Variants in IGHMBP2 observed in about 807,000 individuals in gnomAD.
The protein encoded by IGHMBP2 is immunoglobulin mu DNA binding protein 2.
IGHMBP2 carries 81 observed loss-of-function variants against 96.0 expected under a neutral mutation model. The observed-to-expected ratio is 0.84, with a 90% CI of 0.71 to 1.01. The LOEUF is 1.01. IGHMBP2 is among the 50% of genes least tolerant of loss of function. The pLI is 0.00. For missense variants in IGHMBP2, 1,227 were observed against 1,306.3 expected (o/e 0.94, Z 0.94); for synonymous variants, 557 against 548.9 (o/e 1.01, Z -0.21).
At chr11:68,935,567 A>T in intron 12 of IGHMBP2, 145 bp downstream of exon 12, 2 of 981,986 alleles carry the variant, frequency 2.0e-6, no homozygotes, top group African/African-American at 1.6e-5. Flanking sequence ...AGTTCACGTC[A>T]GGCAAAGCAC....
In IGHMBP2 at chr11:68,929,068, C is replaced by T. The variant is rs1859172327; in HGVS notation, c.1061-115C>T. ...TTACAAGATACAAATTTATCCCACA[C>T]AGTTGCAATGCAAGCCTTGATGAAA... On this transcript the variant is annotated intron_variant, in intron 7 of 14. Transcript: ENST00000255078. 22 of 948,074 alleles carry T rather than the reference C, an allele frequency of 2.3e-5. 1 individual carries two copies. The South Asian group carries it at 2.7e-4, about 12-fold the overall frequency. The allele number at this position is 948,074 out of a possible 1,614,324, so 58.7% of individuals were successfully genotyped here. A position where few individuals can be genotyped will look rare whatever the true frequency, so the allele number is the denominator to read the frequency against.
intron 10 of IGHMBP2, 63 bp from the exon 11 acceptor site, chr11:68,934,401 T>C (rs1859440275): frequency 1.7e-6 from 2 of 1,152,938 alleles, no homozygotes; most frequent in South Asian, 1.3e-5. Flanking sequence ...GAAACACGTG[T>C]TGGTGGTGGA....
At chr11:68,920,432 A>G (rs546465142) in intron 7 of IGHMBP2, among the ~76,000 whole-genome samples, 6 of 152,276 alleles carry the variant, frequency 3.9e-5, no homozygotes, top group African/African-American at 1.4e-4. Context: ...AGTGTGATCT[A>G]TCTTTATCCT....
In IGHMBP2 at chr11:68,903,914, CGGGACG is replaced by C. The variant is rs773104838; in HGVS notation, c.-38_-33del. The C allele has an allele frequency of 2.9e-5, 47 of 1,602,250 alleles. No homozygotes were observed. The African/African-American group carries it at 6.3e-4, about 21-fold the overall frequency. ...CTGTAACACCGGCCCGGCGCAGAAG[CGGGACG>C]TCGGCTTCTAGGGGCCCAGGCCGGC... On this transcript the variant is annotated 5_prime_UTR_variant, in exon 1 of 15. Coordinates refer to ENST00000255078, the MANE Select transcript of IGHMBP2 (RefSeq NM_002180.3).
rs113615425 is a variant in IGHMBP2 at position 68,936,571 on chromosome 11, G to A, written c.2091G>A (p.Pro697=). The change falls in exon 13 of 15, where the codon CCG becomes CCA. Residue 697 remains proline, a synonymous_variant. Transcript: ENST00000255078. ...CTGCCAGACAGGGCCGGAAGAAGCC[G>A]GCTGGGAAGTCTCTGGCCTCTGAAG... ...AAPARQGRKK[P]AGKSLASEAP... The A allele has an allele frequency of 4.3e-4, 697 of 1,611,774 alleles. 3 individuals are homozygous for A. The African/African-American group carries it at 8.2e-3, about 19-fold the overall frequency.
intron 7 of IGHMBP2, among the ~76,000 whole-genome samples, chr11:68,919,123 C>A (rs1383368928): frequency 6.6e-6 from 1 of 152,110 alleles, no homozygotes; most frequent in Non-Finnish European, 1.5e-5. Flanking sequence ...TATATAGTTT[C>A]TAGATAGTTG....
At position 68,938,325 on chromosome 11, in the gene IGHMBP2, C is replaced by T. The variant is rs145945230; in HGVS notation, c.2755C>T (p.Arg919Cys). 50 of 1,611,756 alleles carry T rather than the reference C, an allele frequency of 3.1e-5. No individual in the cohort carries two copies. Among genetic ancestry groups the T allele is most frequent in the East Asian group, 2.7e-4 (12 of 44,854 alleles). ...CCAGTTCTGCCAGCTCTGCAGCCGC[C>T]GCTACTGCCTCAGCCACCACCTGCC... ...LGQFCQLCSRRYCLSHHLPEI... is the reference protein window; with the variant it reads ...LGQFCQLCSRCYCLSHHLPEI... Residue 919 changes from arginine (R) to cysteine (C), a missense_variant, in exon 14 of 15, where the codon CGC becomes TGC. Physicochemically the swap from Arg to Cys is radical, Grantham distance 180. Coordinates refer to ENST00000255078, the MANE Select transcript of IGHMBP2 (RefSeq NM_002180.3).
At chr11:68,933,945 G>A in intron 10 of IGHMBP2, 32 bp downstream of exon 10, 1 of 1,378,276 alleles carries the variant, frequency 7.3e-7, no homozygotes, top group Non-Finnish European at 1.0e-6. Context: ...CAGCTTTTTT[G>A]TTTAAACATA....
chr11:68,906,302 C>G, intron 2 of IGHMBP2, 64 bp downstream of exon 2: 1 of 1,517,110 alleles, frequency 6.6e-7, no homozygotes, highest in Non-Finnish European at 9.2e-7. Flanking sequence ...GACTTGTACC[C>G]TCGTAAAGAC....
At chr11:68,929,733 G>A in intron 8 of IGHMBP2, 2 of 985,410 alleles carry the variant, frequency 2.0e-6, no homozygotes, top group Non-Finnish European at 2.4e-6. Flanking sequence ...GGGTTCTTTA[G>A]TCTTCAATCT....
In IGHMBP2 at chr11:68,936,820, C is replaced by T. The variant is rs557402851; in HGVS notation, c.2340C>T (p.Ile780=). The T allele has an allele frequency of 1.2e-6, 2 of 1,613,882 alleles. No individual in the cohort carries two copies. The highest frequency in any genetic ancestry group is 2.2e-5 in the East Asian group (1 of 44,882). The change falls in exon 13 of 15, where the codon ATC becomes ATT. Residue 780 remains isoleucine (I), a synonymous_variant. Transcript: ENST00000255078. ...CCGGGGAAGGGAAGAGGAGGTTCAT[C>T]ACTGTGAGCAAGAGGGCCCCGCGAC... is the stretch of plus-strand genomic sequence containing the variant. The part of the protein sequence containing the change: ...DSSGEGKRRF[I]TVSKRAPRPR...
rs554952116 is a variant in IGHMBP2 at position 68,908,234 on chromosome 11, G to A, written c.346G>A (p.Val116Met). 6.2e-7 allele frequency: 1 copy of A among 1,614,106 alleles called. No individual in the cohort carries two copies. The highest frequency in any genetic ancestry group is 1.3e-5 in the African/African-American group (1 of 75,016). Residue 116 changes from valine to methionine, a missense_variant, in exon 3 of 15, where the codon GTG (valine) becomes ATG (methionine). Transcript: ENST00000255078. Reference sequence around the variant, plus strand: ...CCGGGTCACCCAGAAGTCGGTCACGGTGGCCTTTGATGAGTCCCACGATTT... The same window carrying A: ...CCGGGTCACCCAGAAGTCGGTCACGATGGCCTTTGATGAGTCCCACGATTT... ...LTRVTQKSVT[V>M]AFDESHDFQL... is the part of the protein sequence containing the mutation.
At chr11:68,919,467 A>G (rs182262640) in intron 7 of IGHMBP2, among the ~76,000 whole-genome samples, 2 of 152,334 alleles carry the variant, frequency 1.3e-5, no homozygotes, top group East Asian at 3.9e-4. Context: ...ATTTAGTTCC[A>G]TGTGGTCAGA....
chr11:68,935,135 G>A (rs899431711), intron 11 of IGHMBP2, among the ~76,000 whole-genome samples, 164 bp from the exon 12 acceptor site: 4 of 152,260 alleles, frequency 2.6e-5, no homozygotes, highest in Non-Finnish European at 5.9e-5. Context: ...ATGCGTGCCC[G>A]TGAGGAGGGC....
Position 68,939,633 on chromosome 11 carries a change from G to A in IGHMBP2, c.2884G>A (p.Asp962Asn). 1 of 1,613,570 alleles carries A rather than the reference G, an allele frequency of 6.2e-7. No individual in the cohort carries two copies. The highest frequency in any genetic ancestry group is 8.5e-7 in the Non-Finnish European group (1 of 1,179,980). ...CAGCGGGACCAAGAACGGATCCCTG[G>A]ACCCAGCCAAGAGGGCCCAGCTGCA... ...AGSGTKNGSL[D>N]PAKRAQLQRR... is the part of the protein sequence containing the mutation. Residue 962 changes from aspartate (D) to asparagine (N), a missense_variant, in exon 15 of 15, where the codon GAC becomes AAC. Around this residue, in one of 3 missense-constraint regions of IGHMBP2, gnomAD observed 703 missense variants for 770.3 expected, o/e 0.91. Coordinates refer to ENST00000255078, the MANE Select transcript of IGHMBP2 (RefSeq NM_002180.3).
At chr11:68,938,736 C>T (rs1407086421) in intron 14 of IGHMBP2, among the ~76,000 whole-genome samples, 1 of 152,052 alleles carries the variant, frequency 6.6e-6, no homozygotes, top group Non-Finnish European at 1.5e-5. Context: ...TTCCTTGAGC[C>T]GGGGTTGATG....
intron 8 of IGHMBP2, 194 bp from the exon 9 acceptor site, chr11:68,933,105 C>T (rs781271941): frequency 3.7e-5 from 23 of 617,338 alleles, no homozygotes; most frequent in South Asian, 1.3e-4. Flanking sequence ...GGAACATTCA[C>T]GGGCCTTGGC....
chr11:68,913,867 G>A (rs77680918), intron 5 of IGHMBP2, among the ~76,000 whole-genome samples: 5,322 of 152,284 alleles, frequency 0.035, 315 homozygotes, highest in African/African-American at 0.12. Context: ...AACACCAGGA[G>A]TGTGGTCTAG....
intron 5 of IGHMBP2, 39 bp from the exon 6 acceptor site, chr11:68,914,784 T>G: frequency 6.2e-7 from 1 of 1,609,912 alleles, no homozygotes; most frequent in Non-Finnish European, 8.5e-7. Flanking sequence ...GTGGTTTGAT[T>G]ACAAAGTAAA....
Sources: gnomAD v4.1 joint callset for allele counts (sites outside exome capture counted in the v4.1 genomes callset) on GRCh38, gnomAD v4.1.1 for gene constraint, gnomAD v4.1.1 regional missense constraint, MANE v1.5 for transcripts, NCBI Gene and HGNC (gene_info 2026-07-23, HGNC 2026-07-21) for gene names.